TTC6: variants seen among roughly 807,000 people sequenced by gnomAD.
The protein encoded by TTC6 is tetratricopeptide repeat protein 6.
Under a neutral mutation model 210.4 loss-of-function variants are expected in TTC6, and 172 were observed. The observed-to-expected ratio is 0.82, with a 90% CI of 0.72 to 0.93. TTC6 has a LOEUF of 0.93. TTC6 is among the 40% of genes least tolerant of loss of function. The probability of loss-of-function intolerance (pLI) is 0.00; values close to 1 mark genes in which losing one functional copy is unlikely to be tolerated. For missense variants in TTC6, 2,414 were observed against 2,318.1 expected, an observed-to-expected ratio of 1.04 and a Z score of -0.85; for synonymous variants, 804 against 819.6, an observed-to-expected ratio of 0.98 and a Z score of 0.32.
chr14:37,806,479 G>T (rs746372047), exon 22 of TTC6: 2 of 1,534,306 alleles, frequency 1.3e-6, no homozygotes, highest in African/African-American at 2.7e-5. Flanking sequence ...GATTTTAATC[G>T]TGCAATTACC....
At chr14:37,819,015 T>A (rs1171298721) in intron 26 of TTC6, among the ~76,000 whole-genome samples, 2 of 152,188 alleles carry the variant, frequency 1.3e-5, no homozygotes, top group Non-Finnish European at 2.9e-5. Context: ...TCACAATCTC[T>A]TTTATGAAAT....
intron 10 of TTC6, among the ~76,000 whole-genome samples, chr14:37,746,281 C>A (rs2138999796): frequency 6.6e-6 from 1 of 152,258 alleles, no homozygotes; most frequent in Admixed American, 6.5e-5. Context: ...GGGTATTGTG[C>A]CCCCTCACTT....
At chr14:37,634,171 T>C (rs1240837308) in intron 1 of TTC6, among the ~76,000 whole-genome samples, 1 of 152,130 alleles carries the variant, frequency 6.6e-6, no homozygotes, top group Non-Finnish European at 1.5e-5. Context: ...TAACAAAGAT[T>C]TTACAGCAGT....
At chr14:37,697,197 G>A (rs2138656360) in intron 4 of TTC6, among the ~76,000 whole-genome samples, 1 of 152,042 alleles carries the variant, frequency 6.6e-6, no homozygotes, top group African/African-American at 2.4e-5. Flanking sequence ...ATTTTTTTAT[G>A]ATAAAATAAA....
intron 2 of TTC6, among the ~76,000 whole-genome samples, chr14:37,615,307 A>C (rs1456206815): frequency 6.6e-6 from 1 of 152,182 alleles, no homozygotes; most frequent in Non-Finnish European, 1.5e-5. Flanking sequence ...CTTCAAATTT[A>C]GGAAGTTCTC....
At position 37,727,585 on chromosome 14, in the gene TTC6, G is replaced by A. The variant is rs371503787; in HGVS notation, c.1818+2583G>A. Among the ~76,000 whole-genome samples, 24 of 151,846 alleles carry A rather than the reference G, an allele frequency of 1.6e-4. No individual in the cohort carries two copies. In the East Asian group the frequency reaches 2.9e-3, roughly 18 times the overall value. On this transcript the variant is annotated intron_variant, in intron 7 of 30. Coordinates refer to ENST00000553443, the Ensembl canonical transcript of TTC6. ...TGGGATTACAGGTGTGAGCCACCAC[G>A]CCCAGACTCTAATTTCTTTTGCTGA...
chr14:37,653,647 C>T (rs569896585), intron 1 of TTC6, among the ~76,000 whole-genome samples: 2 of 152,224 alleles, frequency 1.3e-5, no homozygotes, highest in South Asian at 4.1e-4. Context: ...TCCACTTGCA[C>T]TATCATTTTT....
At chr14:37,596,128 A>T (rs561283004) in intron 1 of TTC6, 120 bp downstream of exon 1, 6 of 151,690 alleles carry the variant, frequency 4.0e-5, no homozygotes, top group Admixed American at 2.0e-4. Context: ...CTGAGAGCAG[A>T]TGTCTGTGTG....
chr14:37,657,107 C>T (rs182271782), intron 1 of TTC6, among the ~76,000 whole-genome samples: 39 of 148,746 alleles, frequency 2.6e-4, no homozygotes, highest in African/African-American at 9.4e-4. Context: ...AGCTACTCGG[C>T]AGGCTGAGGC....
Position 37,748,978 on chromosome 14 carries a change from T to G in TTC6, c.2403T>G (p.Tyr801Ter). 1 of 1,528,066 alleles carries G rather than the reference T, an allele frequency of 6.5e-7. No homozygotes were observed. Among genetic ancestry groups the G allele is most frequent in the South Asian group, 1.2e-5 (1 of 82,488 alleles). The allele number at this position is 1,528,066 out of a possible 1,614,324, so 94.7% of individuals were successfully genotyped here. A position where few individuals can be genotyped will look rare whatever the true frequency, so the allele number is the denominator to read the frequency against. Residue 801 changes from tyrosine (Y) to a stop codon, truncating the protein, a stop_gained, in exon 11 of 31, where the codon TAT becomes TAG. Transcript: ENST00000553443. LOFTEE classifies it high-confidence loss of function. ...GAATACTTCCGGGACAGAAGAAATATTTGTTCAAAGTTCCATTATATGAAC... is the reference window on the plus strand; with the variant it reads ...GAATACTTCCGGGACAGAAGAAATAGTTGTTCAAAGTTCCATTATATGAAC...
chr14:37,823,148 G>T (rs1245046395), intron 26 of TTC6, among the ~76,000 whole-genome samples: 1 of 152,100 alleles, frequency 6.6e-6, no homozygotes, highest in African/African-American at 2.4e-5. Flanking sequence ...CACCACAAGA[G>T]AGTAATTAGG....
intron 28 of TTC6, among the ~76,000 whole-genome samples, chr14:37,826,738 A>G (rs1373276129): frequency 6.6e-6 from 1 of 152,128 alleles, no homozygotes; most frequent in Non-Finnish European, 1.5e-5. Flanking sequence ...TCTCATGTTG[A>G]ATGCAGTGAC....
chr14:37,633,003 C>T (rs912952259), intron 1 of TTC6, among the ~76,000 whole-genome samples: 2 of 152,214 alleles, frequency 1.3e-5, no homozygotes, highest in African/African-American at 2.4e-5. Context: ...AGGTTGACTT[C>T]AGACTGCTGT....
chr14:37,749,660 G>A (rs1349205673), intron 11 of TTC6, 54 bp from the exon 14 acceptor site: 45 of 1,210,850 alleles, frequency 3.7e-5, no homozygotes, highest in South Asian at 5.6e-5. Flanking sequence ...TATTTGATAG[G>A]ATATCCTCCT....
chr14:37,643,117 G>A (rs942641268), intron 1 of TTC6, among the ~76,000 whole-genome samples: 7 of 152,106 alleles, frequency 4.6e-5, no homozygotes, highest in African/African-American at 1.7e-4. Context: ...TGACCAGCCT[G>A]GCCAATATGG....
At chr14:37,679,117 G>A (rs1244784450) in intron 1 of TTC6, among the ~76,000 whole-genome samples, 1 of 152,092 alleles carries the variant, frequency 6.6e-6, no homozygotes, top group Non-Finnish European at 1.5e-5. Flanking sequence ...TGCCACTCAG[G>A]AGGCTGAGGT....
chr14:37,786,122 A>G (rs2096066972), intron 14 of TTC6, among the ~76,000 whole-genome samples: 1 of 152,166 alleles, frequency 6.6e-6, no homozygotes, highest in African/African-American at 2.4e-5. Flanking sequence ...CTCAAACTCC[A>G]TGCTGGGAGA....
At chr14:37,683,333 A>G (rs2095788002) in intron 3 of TTC6, among the ~76,000 whole-genome samples, 1 of 152,152 alleles carries the variant, frequency 6.6e-6, no homozygotes. Context: ...ACTTTACCTC[A>G]TTTAGGTTCA....
intron 4 of TTC6, among the ~76,000 whole-genome samples, chr14:37,698,237 A>C (rs1445485809): frequency 6.6e-6 from 1 of 152,198 alleles, no homozygotes; most frequent in Non-Finnish European, 1.5e-5. Context: ...TTTTCTCACT[A>C]GCCCTCAAAT....
Sources: allele counts gnomAD v4.1 joint callset (sites outside exome capture counted in the v4.1 genomes callset), GRCh38; gene constraint gnomAD v4.1.1; transcripts MANE v1.5; gene names NCBI Gene and HGNC (gene_info 2026-07-23, HGNC 2026-07-21).